The following HFM1 variants were observed in gnomAD, a reference collection of about 807,000 sequenced individuals.
The protein encoded by HFM1 is probable ATP-dependent DNA helicase HFM1.
HFM1 carries 169 observed loss-of-function variants against 192.1 expected under a neutral mutation model. The ratio of observed to expected loss-of-function variants is 0.88; its 90% CI spans 0.78 to 1.00. HFM1 has a LOEUF of 1.00. Among genes scored for constraint, HFM1 ranks in the 50% least tolerant of loss-of-function variants. HFM1 has a pLI of 0.00. For missense variants in HFM1, 1,661 were observed against 1,668.0 expected (o/e 1.00, Z 0.07); for synonymous variants, 525 against 537.8 (o/e 0.98, Z 0.33).
intron 20 of HFM1, chr1:91,329,469 A>G: frequency 6.4e-7 from 1 of 1,567,012 alleles, no homozygotes; most frequent in East Asian, 2.3e-5. Context: ...GGGATCCACT[A>G]AGAAGAAGGC....
chr1:91,384,283 T>C (rs762207381), intron 6 of HFM1, among the ~76,000 whole-genome samples: 1 of 152,150 alleles, frequency 6.6e-6, no homozygotes, highest in Non-Finnish European at 1.5e-5. Flanking sequence ...AAAGAGTTCA[T>C]AGATCATGGG....
chr1:91,336,642 A>G (rs1462462257), intron 20 of HFM1, among the ~76,000 whole-genome samples: 3 of 152,254 alleles, frequency 2.0e-5, no homozygotes, highest in East Asian at 3.8e-4. Flanking sequence ...GGGAGTGTAA[A>G]TAAGTTCAAC....
chr1:91,381,107 T>C (rs1661505951), intron 6 of HFM1, 125 bp from the exon 7 acceptor site: 2 of 581,072 alleles, frequency 3.4e-6, no homozygotes, highest in South Asian at 4.3e-5. Context: ...ACATTTGCTA[T>C]CTGGCATCTT....
intron 1 of HFM1, chr1:91,404,593 G>A: frequency 3.8e-6 from 1 of 262,840 alleles, no homozygotes; most frequent in Non-Finnish European, 7.5e-6. Flanking sequence ...CTTTCTGACT[G>A]GAAATGCGGC....
intron 30 of HFM1, among the ~76,000 whole-genome samples, chr1:91,310,956 A>G (rs2101116693): frequency 6.6e-6 from 1 of 152,318 alleles, no homozygotes; most frequent in East Asian, 1.9e-4. Flanking sequence ...ATACCCAAAT[A>G]TGTGGAAGCG....
rs1489871823 is a variant in HFM1 at position 91,313,369 on chromosome 1, G to A, written c.3371C>T (p.Thr1124Ile). 5.7e-6 allele frequency: 9 copies of A among 1,579,032 alleles called. No homozygotes were observed. The highest frequency in any genetic ancestry group is 7.8e-6 in the Non-Finnish European group (9 of 1,155,832). ...ISHSKHSDIS[T>I]IAGPNKGTTA... ...TTTACCTTTATTAGGTCCTGCTATT[G>A]TAGATATGTCTGAATGTTTAGAATG... The change falls in exon 30 of 39, where the codon ACA becomes ATA. Residue 1124 changes from threonine (T) to isoleucine (I), a missense_variant. Physicochemically the swap from Thr to Ile is moderately conservative, Grantham distance 89. Transcript: ENST00000370425.
intron 30 of HFM1, among the ~76,000 whole-genome samples, chr1:91,288,222 A>G (rs1468261981): frequency 2.6e-5 from 4 of 151,842 alleles, no homozygotes; most frequent in Non-Finnish European, 4.4e-5. Context: ...CAGATTCACC[A>G]AAGTTGAAAT....
At chr1:91,392,843 A>G (rs1352222477) in intron 4 of HFM1, among the ~76,000 whole-genome samples, 1 of 152,210 alleles carries the variant, frequency 6.6e-6, no homozygotes, top group African/African-American at 2.4e-5. Context: ...TTGCACTTAT[A>G]TGAAATGTTT....
chr1:91,375,689 C>A lies in HFM1; in HGVS notation c.1434G>T (p.Val478=). The change falls in exon 12 of 39, where the codon GTG becomes GTT. Residue 478 remains valine, a synonymous_variant. Coordinates refer to ENST00000370425, the MANE Select transcript of HFM1 (RefSeq NM_001017975.6). ...EWLSDGERPA[V]CLKMDESHRP... ...TATGGCTCTCATCCATTTTCAGACACACAGCTGGTCTTTCACCATCTGAAA... is the reference window on the plus strand; with the variant it reads ...TATGGCTCTCATCCATTTTCAGACAAACAGCTGGTCTTTCACCATCTGAAA... 6.2e-7 allele frequency: 1 copy of A among 1,613,290 alleles called. No individual in the cohort carries two copies.
At chr1:91,329,034 C>G (rs961355313) in intron 20 of HFM1, 15 of 1,611,474 alleles carry the variant, frequency 9.3e-6, no homozygotes, top group Middle Eastern at 3.3e-4. Flanking sequence ...GAGCTAGAAC[C>G]AGGAACAGTT....
chr1:91,352,449 A>G (rs1657069631), intron 16 of HFM1, 57 bp downstream of exon 16: 1 of 1,336,658 alleles, frequency 7.5e-7, no homozygotes, highest in East Asian at 2.5e-5. Context: ...AAAAATACAC[A>G]ATTTTTTTGT....
intron 13 of HFM1, among the ~76,000 whole-genome samples, chr1:91,374,624 T>C (rs1436984905): frequency 6.6e-6 from 1 of 152,058 alleles, no homozygotes; most frequent in African/African-American, 2.4e-5. Context: ...AAGGAGATAA[T>C]GTATAATTAA....
At chr1:91,318,939 G>A (rs113963129) in intron 25 of HFM1, 139 bp downstream of exon 25, 59 of 711,576 alleles carry the variant, frequency 8.3e-5, no homozygotes, top group African/African-American at 1.5e-4. Context: ...TCAGATTTTC[G>A]AAAGTACAGC....
chr1:91,393,446 T>C (rs1427674547), intron 4 of HFM1, among the ~76,000 whole-genome samples: 1 of 152,182 alleles, frequency 6.6e-6, no homozygotes, highest in Non-Finnish European at 1.5e-5. Context: ...CCCCCGAACC[T>C]GTTCTTACTT....
rs201897123 is a variant in HFM1, at chr1:91,394,315, T to C, written c.272A>G (p.Gln91Arg). 59 of 1,584,318 alleles carry C rather than the reference T, an allele frequency of 3.7e-5. No homozygotes were observed. Among genetic ancestry groups the C allele is most frequent in the Non-Finnish European group, 5.0e-5 (58 of 1,153,508 alleles). The change falls in exon 4 of 39, where the codon CAG becomes CGG. Residue 91 changes from glutamine to arginine, a missense_variant. Transcript: ENST00000370425. The stretch of plus-strand genomic sequence containing the variant: ...ATATTTATCAGAAGGAAAGGCAAAC[T>C]GGAATTTTTGTGTTAGTGAAATATA... ...TNYISLTQKF[Q>R]FAFPSDKYEQ...
At position 91,284,914 on chromosome 1, in the gene HFM1, T is replaced by C. The variant is rs372943689; in HGVS notation, c.3392-7852A>G. ...CTGTGTCCTCACCCAAATCTCATCT[T>C]GATTTGCAGCTCCCATAATTTCCAC... On this transcript the variant is annotated intron_variant, in intron 30 of 38. Coordinates refer to ENST00000370425, the MANE Select transcript of HFM1 (RefSeq NM_001017975.6). Among the ~76,000 whole-genome samples, 17 of 152,358 alleles carry C rather than the reference T, an allele frequency of 1.1e-4. No homozygotes were observed. The East Asian group carries it at 2.5e-3, about 22-fold the overall frequency.
At chr1:91,319,822 A>G (rs1190178623) in intron 23 of HFM1, among the ~76,000 whole-genome samples, 1 of 152,226 alleles carries the variant, frequency 6.6e-6, no homozygotes, top group Non-Finnish European at 1.5e-5. Context: ...GAAAAATAAT[A>G]CAATTTGTTT....
At chr1:91,388,625 A>C (rs544194269) in intron 4 of HFM1, among the ~76,000 whole-genome samples, 1 of 152,246 alleles carries the variant, frequency 6.6e-6, no homozygotes, top group African/African-American at 2.4e-5. Flanking sequence ...AAATGTAAAC[A>C]TAAGAGCTAA....
At chr1:91,340,086 A>C (rs1229560629) in intron 20 of HFM1, among the ~76,000 whole-genome samples, 1 of 151,942 alleles carries the variant, frequency 6.6e-6, no homozygotes, top group Non-Finnish European at 1.5e-5. Context: ...GCTCACTGCA[A>C]CCTCCTCCTC....
Sources: allele counts gnomAD v4.1 joint callset (sites outside exome capture counted in the v4.1 genomes callset), GRCh38; gene constraint gnomAD v4.1.1; transcripts MANE v1.5; gene names NCBI Gene and HGNC (gene_info 2026-07-23, HGNC 2026-07-21).